The following LIG3 variants were observed in gnomAD, a reference collection of about 807,000 sequenced individuals.
LIG3 encodes the protein ligase II, DNA, ATP-dependent.
A neutral mutation model predicts 110.9 loss-of-function variants in LIG3; 58 were observed. The ratio of observed to expected loss-of-function variants is 0.52; its 90% CI spans 0.42 to 0.65. The LOEUF (loss-of-function observed/expected upper bound fraction) is 0.65. Ranked by LOEUF, LIG3 falls within the 30% of genes least tolerant of loss-of-function variation. LIG3 has a pLI of 0.00. For synonymous variants in LIG3, 422 were observed against 472.8 expected (o/e 0.89, Z 1.39); for missense variants, 1,094 against 1,273.8 (o/e 0.86, Z 2.15).
chr17:34,997,754 C>G lies in LIG3; in HGVS notation c.1840C>G (p.Arg614Gly), dbSNP rs770579198. The G allele has an allele frequency of 6.2e-7, 1 of 1,613,928 alleles. No individual in the cohort carries two copies. Among genetic ancestry groups the G allele is most frequent in the East Asian group, 2.2e-5 (1 of 44,878 alleles). ...SLMDRPLCERRKFLHDNMVEI... is the reference protein window; with the variant it reads ...SLMDRPLCERGKFLHDNMVEI... The stretch of plus-strand genomic sequence containing the variant: ...TCTCCTCAGACCTCTGTGTGAGCGG[C>G]GGAAGTTTCTTCATGACAACATGGT... Residue 614 changes from arginine to glycine, a missense_variant, in exon 12 of 20, where the codon CGG (arginine) becomes GGG (glycine). Physicochemically the swap from Arg to Gly is moderately radical, Grantham distance 125. Coordinates refer to ENST00000378526, the MANE Select transcript of LIG3 (RefSeq NM_013975.4).
In LIG3 at chr17:34,991,993, T is replaced by C; in HGVS notation, c.1244T>C (p.Leu415Ser). 1 of 1,614,262 alleles carries C rather than the reference T, an allele frequency of 6.2e-7. No individual in the cohort carries two copies. Among genetic ancestry groups the C allele is most frequent in the Non-Finnish European group, 8.5e-7 (1 of 1,180,036 alleles). ...TANDLKCIIR[L>S]IKHDLKMNSG... Reference sequence around the variant, plus strand: ...AATGACCTTAAATGCATCATCAGGTTGATCAAACATGATCTGAAGATGAAC... The same window carrying C: ...AATGACCTTAAATGCATCATCAGGTCGATCAAACATGATCTGAAGATGAAC... Residue 415 changes from leucine to serine, a missense_variant, in exon 7 of 20, where the codon TTG becomes TCG. Transcript: ENST00000378526.
chr17:35,005,561 G>C lies in LIG3; in HGVS notation c.*1055G>C, dbSNP rs759403047. The C allele has an allele frequency of 1.7e-6, 1 of 579,056 alleles. No individual in the cohort carries two copies. The highest frequency in any genetic ancestry group is 1.9e-5 in the African/African-American group (1 of 53,834). The allele number at this position is 579,056 out of a possible 1,614,324, so 35.9% of individuals were successfully genotyped here. A position where few individuals can be genotyped will look rare whatever the true frequency, so the allele number is the denominator to read the frequency against. Reference sequence around the variant, plus strand: ...TATATTATGGAAGGATTTGCATCCAGCTTCCTGTTTACAATGGGAGGTTTA... The same window carrying C: ...TATATTATGGAAGGATTTGCATCCACCTTCCTGTTTACAATGGGAGGTTTA... On this transcript the variant is annotated 3_prime_UTR_variant, in exon 20 of 20. Coordinates refer to ENST00000378526, the MANE Select transcript of LIG3 (RefSeq NM_013975.4).
chr17:34,999,102 G>A (rs1293681958), intron 14 of LIG3: 1 of 586,760 alleles, frequency 1.7e-6, no homozygotes, highest in Non-Finnish European at 2.9e-6. Flanking sequence ...GAGCCCAACA[G>A]GTTGGGTGTG....
At chr17:34,991,649 G>C in intron 5 of LIG3, 22 bp from the exon 6 acceptor site, 2 of 1,612,086 alleles carry the variant, frequency 1.2e-6, no homozygotes, top group Non-Finnish European at 1.7e-6. Context: ...TGCAGCAGTG[G>C]CATTTTGGTT....
chr17:34,990,029 A>T (rs918020826), intron 4 of LIG3: 2 of 208,988 alleles, frequency 9.6e-6, no homozygotes, highest in African/African-American at 4.5e-5. Flanking sequence ...AGAATCTTCC[A>T]ACTCTGTTTC....
chr17:34,982,933 A>G (rs1043572737), intron 1 of LIG3, 69 bp from the exon 2 acceptor site: 5 of 1,333,672 alleles, frequency 3.7e-6, no homozygotes, highest in African/African-American at 3.0e-5. Context: ...TGGCCTTTGG[A>G]AAATTGGAAG....
chr17:34,986,907 C>T, intron 3 of LIG3, among the ~76,000 whole-genome samples: 1 of 152,056 alleles, frequency 6.6e-6, no homozygotes, highest in Non-Finnish European at 1.5e-5. Context: ...TCATGGAACA[C>T]AAAGGAAGGA....
chr17:35,010,546 G>T (rs11658051), downstream of LIG3: 20,718 of 152,110 alleles, frequency 0.14, 1,789 homozygotes, highest in Non-Finnish European at 0.2. Context: ...AAGGTCAAGA[G>T]TTCAAGACCA....
intron 4 of LIG3, among the ~76,000 whole-genome samples, chr17:34,990,267 CTTT>C (rs1307775114): frequency 6.6e-6 from 1 of 152,202 alleles, no homozygotes; most frequent in Non-Finnish European, 1.5e-5. Flanking sequence ...GTCTCTGCTT[CTTT>C]GAGTTTGTTT....
At chr17:34,980,688 G>A (rs941938590) in intron 1 of LIG3, 66 bp downstream of exon 1, 7 of 944,258 alleles carry the variant, frequency 7.4e-6, no homozygotes, top group Non-Finnish European at 8.9e-6. Flanking sequence ...CGGGCCCGGG[G>A]CGAGGAGCTC....
At chr17:34,995,176 C>T (rs754349273) in intron 9 of LIG3, among the ~76,000 whole-genome samples, 1 of 152,148 alleles carries the variant, frequency 6.6e-6, no homozygotes, top group Non-Finnish European at 1.5e-5. Context: ...TTCAGGGGAA[C>T]ATGTTGTGTG....
intron 8 of LIG3, among the ~76,000 whole-genome samples, chr17:34,993,830 G>A (rs1229205503): frequency 6.6e-6 from 1 of 152,126 alleles, no homozygotes; most frequent in East Asian, 1.9e-4. Context: ...TGGAAACCCT[G>A]TTTGTTGTAG....
At chr17:34,992,234 C>T (rs967533379) in intron 7 of LIG3, among the ~76,000 whole-genome samples, 199 bp downstream of exon 7, 3 of 152,234 alleles carry the variant, frequency 2.0e-5, no homozygotes, top group Admixed American at 6.5e-5. Flanking sequence ...CAGTACCTTT[C>T]TCACAGAGTT....
chr17:34,998,354 C>A, intron 13 of LIG3, 58 bp downstream of exon 13: 1 of 1,451,110 alleles, frequency 6.9e-7, no homozygotes, highest in Non-Finnish European at 9.5e-7. Context: ...CTCCCCTGAG[C>A]CTTTCCAGCC....
chr17:34,984,558 C>T (rs1441463284), intron 2 of LIG3, among the ~76,000 whole-genome samples: 3 of 151,930 alleles, frequency 2.0e-5, no homozygotes, highest in East Asian at 3.9e-4. Flanking sequence ...GGTAATTTCT[C>T]TGGGGATTCC....
chr17:34,988,343 G>A (rs2090681481), intron 3 of LIG3, among the ~76,000 whole-genome samples: 1 of 152,130 alleles, frequency 6.6e-6, no homozygotes, highest in African/African-American at 2.4e-5. Flanking sequence ...GGAGTTGAGA[G>A]AAAGAGAGTG....
rs780796713 is a variant in LIG3 at position 35,004,468 on chromosome 17, G to T, written c.2992G>T (p.Ala998Ser). 4 of 1,614,002 alleles carry T rather than the reference G, an allele frequency of 2.5e-6. No individual in the cohort carries two copies. Among genetic ancestry groups the T allele is most frequent in the Non-Finnish European group, 2.5e-6 (3 of 1,179,994 alleles). Reference protein sequence around the residue: ...AQQVSPEWIWACIRKRRLVAP... With the variant: ...AQQVSPEWIWSCIRKRRLVAP... ...GCAGGTCTCCCCAGAGTGGATTTGGGCATGTATCCGGAAACGGAGACTGGT... is the reference window on the plus strand; with the variant it reads ...GCAGGTCTCCCCAGAGTGGATTTGGTCATGTATCCGGAAACGGAGACTGGT... The change falls in exon 20 of 20, where the codon GCA becomes TCA. Residue 998 changes from alanine (A) to serine (S), a missense_variant. Physicochemically the swap from Ala to Ser is moderately conservative, Grantham distance 99. Transcript: ENST00000378526.
At position 34,992,568 on chromosome 17, in the gene LIG3, C is replaced by T. The variant is rs759246540; in HGVS notation, c.1331C>T (p.Ser444Leu). 18 of 1,612,906 alleles carry T rather than the reference C, an allele frequency of 1.1e-5. No homozygotes were observed. Among genetic ancestry groups the T allele is most frequent in the Admixed American group, 3.3e-5 (2 of 59,768 alleles). ...AATGCCTATGAAGCCTTCAAAGCCT[C>T]GCGCAACCTGCAGGATGTGGTGGAG... is the stretch of plus-strand genomic sequence containing the variant. ...DPNAYEAFKA[S>L]RNLQDVVERV... The change falls in exon 8 of 20, where the codon TCG (serine) becomes TTG (leucine). Residue 444 changes from serine (S) to leucine (L), a missense_variant. Transcript: ENST00000378526.
chr17:34,996,699 T>G, intron 11 of LIG3, 46 bp downstream of exon 11: 1 of 1,500,422 alleles, frequency 6.7e-7, no homozygotes, highest in Non-Finnish European at 9.3e-7. Flanking sequence ...CAGGAATCTG[T>G]TTTCATTTCC....
Sources: gnomAD v4.1 joint callset for allele counts (sites outside exome capture counted in the v4.1 genomes callset) on GRCh38, gnomAD v4.1.1 for gene constraint, MANE v1.5 for transcripts, NCBI Gene and HGNC (gene_info 2026-07-23, HGNC 2026-07-21) for gene names.